Variants in UVRAG observed in about 807,000 individuals in gnomAD.
UVRAG encodes UV radiation resistance associated.
Under a neutral mutation model 78.0 loss-of-function variants are expected in UVRAG, and 19 were observed. The observed-to-expected ratio is 0.24, with a 90% CI of 0.17 to 0.36. The LOEUF is 0.36. UVRAG is among the 10% of genes least tolerant of loss of function. UVRAG has a pLI of 1.00. For missense variants in UVRAG, 740 were observed against 853.8 expected (o/e 0.87, Z 1.66); for synonymous variants, 323 against 324.6 (o/e 1.00, Z 0.05).
intron 6 of UVRAG, among the ~76,000 whole-genome samples, chr11:75,950,244 C>G (rs565397861): frequency 3.6e-4 from 55 of 152,176 alleles, no homozygotes; most frequent in African/African-American, 1.3e-3. Context: ...TGGTCATGTG[C>G]TTTCTCCTAT....
intron 13 of UVRAG, among the ~76,000 whole-genome samples, chr11:76,102,476 C>G (rs1393896614): frequency 6.6e-6 from 1 of 152,130 alleles, no homozygotes; most frequent in East Asian, 1.9e-4. Flanking sequence ...GGGGCCAAGA[C>G]TGGGGGTTTT....
intron 13 of UVRAG, among the ~76,000 whole-genome samples, chr11:76,109,018 G>A (rs553334997): frequency 6.6e-6 from 1 of 152,258 alleles, no homozygotes; most frequent in African/African-American, 2.4e-5. Flanking sequence ...CTTAAAGACT[G>A]CTTAGACTGT....
chr11:75,831,419 C>T (rs780529901), intron 1 of UVRAG, among the ~76,000 whole-genome samples: 8 of 151,622 alleles, frequency 5.3e-5, no homozygotes, highest in South Asian at 2.1e-4. Context: ...ACCCGGGAGG[C>T]GGAGATTGCA....
intron 13 of UVRAG, among the ~76,000 whole-genome samples, chr11:76,100,129 A>C (rs563901987): frequency 1.3e-5 from 2 of 152,240 alleles, no homozygotes; most frequent in East Asian, 1.9e-4. Context: ...TAAACATCCA[A>C]ATTTGGCTCT....
At chr11:75,894,844 A>T (rs1205668512) in intron 5 of UVRAG, among the ~76,000 whole-genome samples, 1 of 151,014 alleles carries the variant, frequency 6.6e-6, no homozygotes, top group African/African-American at 2.4e-5. Context: ...GAGATTATAG[A>T]TTTCTAATTA....
intron 5 of UVRAG, among the ~76,000 whole-genome samples, chr11:75,901,219 A>C (rs938785159): frequency 1.3e-5 from 2 of 152,232 alleles, no homozygotes; most frequent in Admixed American, 1.3e-4. Context: ...TTTTTAAAAA[A>C]GTATACTCAT....
intron 13 of UVRAG, among the ~76,000 whole-genome samples, chr11:76,080,164 C>T (rs189091694): frequency 2.6e-5 from 4 of 152,280 alleles, no homozygotes; most frequent in East Asian, 1.9e-4. Flanking sequence ...CCCCTTAATA[C>T]TGTGACAGTG....
chr11:75,910,668 T>C (rs911968528), intron 5 of UVRAG, among the ~76,000 whole-genome samples: 5 of 151,810 alleles, frequency 3.3e-5, no homozygotes, highest in Admixed American at 6.6e-5. Flanking sequence ...GGAATTGCAA[T>C]AGGGAAAGAG....
At chr11:75,865,948 C>A (rs1395470947) in intron 3 of UVRAG, among the ~76,000 whole-genome samples, 1 of 152,040 alleles carries the variant, frequency 6.6e-6, no homozygotes, top group Non-Finnish European at 1.5e-5. Context: ...AGAAATTTCA[C>A]CTTTTTGTTT....
intron 6 of UVRAG, among the ~76,000 whole-genome samples, chr11:75,933,851 C>G (rs1479747413): frequency 6.6e-6 from 1 of 152,110 alleles, no homozygotes; most frequent in Admixed American, 6.5e-5. Context: ...TAGGCAATAA[C>G]AAATACTGGT....
chr11:76,115,968 C>G lies in UVRAG; in HGVS notation c.1350C>G (p.Thr450=). Residue 450 remains threonine (T), a synonymous_variant, in exon 14 of 15, where the codon ACC becomes ACG. Transcript: ENST00000356136. ...HGLGTPDLRQ[T]LPNLKNFMEH... ...TAGGGACTCCAGACTTGCGGCAAAC[C>G]CTTCCCAACCTGAAAAACTTCATGG... is the stretch of plus-strand genomic sequence containing the variant. The G allele has an allele frequency of 1.9e-6, 3 of 1,613,910 alleles. No individual in the cohort carries two copies. Among genetic ancestry groups the G allele is most frequent in the South Asian group, 1.1e-5 (1 of 91,078 alleles).
At chr11:76,103,028 G>A (rs973111052) in intron 13 of UVRAG, among the ~76,000 whole-genome samples, 5 of 152,102 alleles carry the variant, frequency 3.3e-5, no homozygotes, top group African/African-American at 1.2e-4. Context: ...TTACTTGCTG[G>A]CCTTCAGCCA....
intron 12 of UVRAG, among the ~76,000 whole-genome samples, chr11:76,017,434 T>A (rs1950169071): frequency 1.3e-5 from 2 of 152,146 alleles, no homozygotes. Flanking sequence ...CTAATATACA[T>A]ATAATTTCAG....
At chr11:75,897,947 G>A (rs1480204786) in intron 5 of UVRAG, among the ~76,000 whole-genome samples, 1 of 137,206 alleles carries the variant, frequency 7.3e-6, no homozygotes, top group Non-Finnish European at 1.5e-5. Context: ...TCGGCTCACT[G>A]CAAGCTCCGC....
At chr11:75,952,498 T>C (rs911723938) in intron 6 of UVRAG, among the ~76,000 whole-genome samples, 2 of 152,000 alleles carry the variant, frequency 1.3e-5, no homozygotes, top group African/African-American at 4.8e-5. Flanking sequence ...CAAATGCTTC[T>C]TTTTTTGAAT....
intron 7 of UVRAG, among the ~76,000 whole-genome samples, chr11:75,967,822 A>G (rs112614565): frequency 0.015 from 2,268 of 152,304 alleles, 66 homozygotes; most frequent in African/African-American, 0.052. Context: ...GGTAAACTCC[A>G]TCATACACTT....
chr11:76,065,686 C>T (rs1270007674), intron 12 of UVRAG, 24 bp from the exon 13 acceptor site: 8 of 1,609,210 alleles, frequency 5.0e-6, no homozygotes, highest in Middle Eastern at 1.7e-4. Flanking sequence ...TTGAAAATAT[C>T]TGATCCTTTT....
rs147544326 is a variant in UVRAG, at chr11:76,048,678, A to C, written c.1227-17032A>C. ...TATCATTGAAATATGTCTTTCTCAA[A>C]TACATTCTGAATATAATGCAATTCC... On this transcript the variant is annotated intron_variant, in intron 12 of 14. Coordinates refer to ENST00000356136, the MANE Select transcript of UVRAG (RefSeq NM_003369.4). Among the ~76,000 whole-genome samples the C allele has an allele frequency of 9.2e-4, 140 of 152,344 alleles. 2 individuals carry two copies. The East Asian group carries it at 0.025, about 28-fold the overall frequency.
chr11:75,853,843 G>A (rs529448724), intron 2 of UVRAG, among the ~76,000 whole-genome samples: 1 of 151,888 alleles, frequency 6.6e-6, no homozygotes, highest in African/African-American at 2.4e-5. Context: ...TGCAATCTTG[G>A]CTCATTGCAA....
Sources: allele counts gnomAD v4.1 joint callset (sites outside exome capture counted in the v4.1 genomes callset), GRCh38; gene constraint gnomAD v4.1.1; transcripts MANE v1.5; gene names NCBI Gene and HGNC (gene_info 2026-07-23, HGNC 2026-07-21).